Variants in RAPGEF6 observed in about 807,000 individuals in gnomAD.
RAPGEF6 encodes Rap guanine nucleotide exchange factor 6, also known as PDZ domain containing guanine nucleotide exchange factor (GEF) 2.
In RAPGEF6, 56 loss-of-function variants were observed where a neutral mutation model predicts 171.4. That is an observed-to-expected ratio of 0.33 (90% confidence interval 0.26 to 0.41). The LOEUF (loss-of-function observed/expected upper bound fraction) is 0.41. RAPGEF6 is among the 10% of genes least tolerant of loss of function. The pLI is 1.00. For synonymous variants in RAPGEF6, 692 were observed against 650.1 expected (o/e 1.06, Z -0.98); for missense variants, 1,674 against 1,921.4 (o/e 0.87, Z 2.41).
chr5:131,568,708 A>G (rs530701095), intron 4 of RAPGEF6, among the ~76,000 whole-genome samples: 4 of 152,262 alleles, frequency 2.6e-5, no homozygotes, highest in African/African-American at 7.2e-5. Flanking sequence ...ACCACTTCCA[A>G]TCTACTCCAT....
rs73786696 is a variant in RAPGEF6 at position 131,525,367 on chromosome 5, T to C, written c.496-3846A>G. On this transcript the variant is annotated intron_variant, in intron 6 of 27. Transcript: ENST00000509018. ...TAGAAATACATAACAAAAAGATAAATAGAAAACTATCATGTTAGAAAATTG... is the reference window on the plus strand; with the variant it reads ...TAGAAATACATAACAAAAAGATAAACAGAAAACTATCATGTTAGAAAATTG... Among the ~76,000 whole-genome samples the C allele has an allele frequency of 4.3e-3, 657 of 152,002 alleles. 2 individuals carry two copies. Among genetic ancestry groups the C allele is most frequent in the African/African-American group, 0.015 (608 of 41,476 alleles).
intron 6 of RAPGEF6, among the ~76,000 whole-genome samples, chr5:131,531,054 T>C (rs953513633): frequency 3.3e-5 from 5 of 152,180 alleles, no homozygotes; most frequent in Non-Finnish European, 7.4e-5. Context: ...AATCAGCTGT[T>C]TGCCAAATGG....
At chr5:131,628,260 C>A (rs1223375982) in intron 1 of RAPGEF6, among the ~76,000 whole-genome samples, 1 of 151,516 alleles carries the variant, frequency 6.6e-6, no homozygotes, top group East Asian at 1.9e-4. Flanking sequence ...ATTAAAAGTG[C>A]TACTTTAGTG....
At chr5:131,502,424 C>A (rs902751207) in intron 11 of RAPGEF6, among the ~76,000 whole-genome samples, 1 of 152,164 alleles carries the variant, frequency 6.6e-6, no homozygotes, top group African/African-American at 2.4e-5. Context: ...TGACTTTACA[C>A]TGAAGAAACT....
intron 6 of RAPGEF6, among the ~76,000 whole-genome samples, chr5:131,539,487 T>C (rs1279863792): frequency 6.6e-6 from 1 of 152,186 alleles, no homozygotes; most frequent in Non-Finnish European, 1.5e-5. Flanking sequence ...AGCAATCACA[T>C]GTTTGTACCA....
intron 15 of RAPGEF6, among the ~76,000 whole-genome samples, chr5:131,487,437 T>A (rs550678629): frequency 3.3e-5 from 5 of 152,256 alleles, no homozygotes; most frequent in African/African-American, 1.2e-4. Flanking sequence ...GATTGGTCCA[T>A]TTTACAGAGT....
intron 18 of RAPGEF6, 66 bp from the exon 19 acceptor site, chr5:131,462,154 T>G: frequency 8.3e-7 from 1 of 1,211,140 alleles, no homozygotes; most frequent in South Asian, 2.5e-5. Context: ...CACTTTTCCT[T>G]TTTGTCGTTG....
At chr5:131,633,204 T>C (rs1014321314) in intron 1 of RAPGEF6, among the ~76,000 whole-genome samples, 8 of 152,090 alleles carry the variant, frequency 5.3e-5, no homozygotes, top group Non-Finnish European at 1.0e-4. Flanking sequence ...TAGTGGCGTG[T>C]GCCTGTAATC....
At chr5:131,483,714 A>T (rs1755659935) in intron 15 of RAPGEF6, among the ~76,000 whole-genome samples, 1 of 152,176 alleles carries the variant, frequency 6.6e-6, no homozygotes, top group Non-Finnish European at 1.5e-5. Context: ...TCAACTCTTT[A>T]AAAAGAGTTG....
chr5:131,529,620 TAAAAC>T (rs953348119), intron 6 of RAPGEF6, among the ~76,000 whole-genome samples: 1 of 146,208 alleles, frequency 6.8e-6, no homozygotes, highest in Non-Finnish European at 1.5e-5. Context: ...AAAAAATAAA[TAAAAC>T]AAAGGCTGGA....
At chr5:131,478,963 G>A (rs780692653) in intron 16 of RAPGEF6, among the ~76,000 whole-genome samples, 3 of 152,162 alleles carry the variant, frequency 2.0e-5, no homozygotes, top group Non-Finnish European at 4.4e-5. Flanking sequence ...AGCTGCTAAT[G>A]TAATATATAC....
At chr5:131,497,368 G>A (rs1756704515) in intron 12 of RAPGEF6, among the ~76,000 whole-genome samples, 1 of 152,084 alleles carries the variant, frequency 6.6e-6, no homozygotes, top group African/African-American at 2.4e-5. Context: ...TTTTGATGAG[G>A]TCCAATTATC....
chr5:131,447,446 C>T (rs1455870036), intron 21 of RAPGEF6: 1 of 151,538 alleles, frequency 6.6e-6, no homozygotes, highest in African/African-American at 2.4e-5. Context: ...GAAATAACCA[C>T]AATTCAAACA....
At position 131,510,488 on chromosome 5, in the gene RAPGEF6, T is replaced by A; in HGVS notation, c.631A>T (p.Thr211Ser). 1.2e-6 allele frequency: 2 copies of A among 1,610,338 alleles called. No individual in the cohort carries two copies. The highest frequency in any genetic ancestry group is 1.7e-6 in the Non-Finnish European group (2 of 1,178,864). Residue 211 changes from threonine to serine, a missense_variant, in exon 8 of 28, where the codon ACG becomes TCG. By Grantham distance (58) the Thr-to-Ser change is moderately conservative (BLOSUM62 1). Transcript: ENST00000509018. The stretch of plus-strand genomic sequence containing the variant: ...TCTACATCTCCTACCTCACTCTCCG[T>A]AGCCTATGAAAAGAAATCTTGATCA... ...SSSLSDIYQA[T>S]ESEVGDVDLT...
At chr5:131,528,671 T>C (rs1759155366) in intron 6 of RAPGEF6, among the ~76,000 whole-genome samples, 1 of 152,082 alleles carries the variant, frequency 6.6e-6, no homozygotes, top group South Asian at 2.1e-4. Flanking sequence ...GTGAGTTTAC[T>C]AAAAGTAAAT....
Position 131,505,355 on chromosome 5 carries a change from T to C in RAPGEF6, c.1101+9A>G. 1 of 1,613,098 alleles carries C rather than the reference T, an allele frequency of 6.2e-7. No individual in the cohort carries two copies. The highest frequency in any genetic ancestry group is 8.5e-7 in the Non-Finnish European group (1 of 1,179,444). ...AGACAAGAAGACTTGACCAAAGAGATAATCTTACCTGACAATCATCTACTT... is the reference window on the plus strand; with the variant it reads ...AGACAAGAAGACTTGACCAAAGAGACAATCTTACCTGACAATCATCTACTT... On this transcript the variant is annotated intron_variant, in intron 10 of 27. Transcript: ENST00000509018.
At chr5:131,564,233 C>T (rs375025961) in intron 4 of RAPGEF6, among the ~76,000 whole-genome samples, 2 of 152,058 alleles carry the variant, frequency 1.3e-5, no homozygotes, top group African/African-American at 2.4e-5. Flanking sequence ...CAAAGAGATA[C>T]GGGGAGAGAG....
chr5:131,592,962 A>G (rs1288423135), intron 3 of RAPGEF6, among the ~76,000 whole-genome samples: 1 of 152,230 alleles, frequency 6.6e-6, no homozygotes, highest in Non-Finnish European at 1.5e-5. Flanking sequence ...TTCAAATGTG[A>G]TACAATTAAA....
chr5:131,635,000 G>A lies in RAPGEF6; in HGVS notation c.31C>T (p.Gln11Ter). MNSPVDPGAR[Q>*]ALRKKPPERT... ...TCGGGTGGCTTCTTCCTCAACGCCT[G>A]CCTAGCGCCAGGGTCCACGGGTGAG... is the stretch of plus-strand genomic sequence containing the variant. The change falls in exon 1 of 28, where the codon CAG (glutamine) becomes TAG (stop). Residue 11 changes from glutamine to a stop codon, truncating the protein, a stop_gained. Coordinates refer to ENST00000509018, the MANE Select transcript of RAPGEF6 (RefSeq NM_016340.6). LOFTEE classifies it high-confidence loss of function. 2 of 1,613,882 alleles carry A rather than the reference G, an allele frequency of 1.2e-6. No homozygotes were observed. Among genetic ancestry groups the A allele is most frequent in the Non-Finnish European group, 1.7e-6 (2 of 1,179,822 alleles).
Sources: allele counts gnomAD v4.1 joint callset (sites outside exome capture counted in the v4.1 genomes callset), GRCh38; gene constraint gnomAD v4.1.1; transcripts MANE v1.5; gene names NCBI Gene and HGNC (gene_info 2026-07-23, HGNC 2026-07-21).